GUCY1A2: variants seen among roughly 807,000 people sequenced by gnomAD.
GUCY1A2 encodes the protein guanylate cyclase 1 soluble subunit alpha 2, also known as guanylate cyclase soluble subunit alpha-2.
A neutral mutation model predicts 63.5 loss-of-function variants in GUCY1A2; 27 were observed. The ratio of observed to expected loss-of-function variants is 0.43; its 90% CI spans 0.31 to 0.59. The LOEUF is 0.59. GUCY1A2 is among the 20% of genes least tolerant of loss of function. The pLI is 0.11. For missense variants in GUCY1A2, 768 were observed against 913.3 expected (o/e 0.84, Z 2.05); for synonymous variants, 364 against 343.5 (o/e 1.06, Z -0.66).
rs1862313093 is a variant in GUCY1A2, at chr11:106,674,495, G to A, written c.*13054C>T. ...AGAAAAATATTTTAAAATATAATAT[G>A]AAATACCAAATGAAACTTTTTTAAA... On this transcript the variant is annotated 3_prime_UTR_variant, in exon 8 of 8. Transcript: ENST00000526355. 5.7e-6 allele frequency: 1 copy of A among 176,632 alleles called. No individual in the cohort carries two copies. Among genetic ancestry groups the A allele is most frequent in the Non-Finnish European group, 1.2e-5 (1 of 82,540 alleles). 10.9% of individuals were successfully genotyped at this position (176,632 alleles called of 1,614,324 possible).
intron 6 of GUCY1A2, among the ~76,000 whole-genome samples, chr11:106,771,704 A>T (rs1345593484): frequency 6.6e-6 from 1 of 151,990 alleles, no homozygotes; most frequent in Non-Finnish European, 1.5e-5. Flanking sequence ...GTAAGCTGTG[A>T]TGGTGACACT....
intron 3 of GUCY1A2, among the ~76,000 whole-genome samples, chr11:106,947,082 T>C (rs1039965956): frequency 2.0e-5 from 3 of 151,826 alleles, no homozygotes; most frequent in Non-Finnish European, 4.4e-5. Context: ...CTGGGCGCAG[T>C]GGCAGGTTCC....
intron 4 of GUCY1A2, among the ~76,000 whole-genome samples, chr11:106,870,198 T>C (rs151201474): frequency 0.011 from 1,725 of 152,070 alleles, 36 homozygotes; most frequent in African/African-American, 0.039. Flanking sequence ...GGCACATGTA[T>C]ACATACGTAA....
rs1862316209 is a variant in GUCY1A2 at position 106,674,695 on chromosome 11, T to C, written c.*12854A>G. 1.0e-5 allele frequency: 2 copies of C among 194,950 alleles called. No individual in the cohort carries two copies. The highest frequency in any genetic ancestry group is 4.6e-5 in the African/African-American group (2 of 43,170). The allele number at this position is 194,950 out of a possible 1,614,324, so 12.1% of individuals were successfully genotyped here. A position where few individuals can be genotyped will look rare whatever the true frequency, so the allele number is the denominator to read the frequency against. On this transcript the variant is annotated 3_prime_UTR_variant, in exon 8 of 8. Transcript: ENST00000526355. ...TTGATAACTCAATTTTTAAAAGATA[T>C]TATTCACAAAGTAAATCTAATAACA...
At chr11:106,943,418 G>A (rs1366215913) in intron 3 of GUCY1A2, among the ~76,000 whole-genome samples, 2 of 152,206 alleles carry the variant, frequency 1.3e-5, no homozygotes, top group Non-Finnish European at 2.9e-5. Flanking sequence ...TAATGGGTAA[G>A]TTAAGTTAGA....
chr11:106,995,577 T>G (rs1861524064), intron 1 of GUCY1A2, among the ~76,000 whole-genome samples: 1 of 152,210 alleles, frequency 6.6e-6, no homozygotes. Context: ...TTTCATAAAA[T>G]GGGAAAATTC....
chr11:106,988,021 T>G (rs567302520), intron 1 of GUCY1A2, among the ~76,000 whole-genome samples: 1 of 152,324 alleles, frequency 6.6e-6, no homozygotes, highest in Non-Finnish European at 1.5e-5. Flanking sequence ...GCAGCTGCTT[T>G]TCACTTATAC....
chr11:106,759,505 C>T (rs767541681), intron 6 of GUCY1A2, among the ~76,000 whole-genome samples: 1 of 152,130 alleles, frequency 6.6e-6, no homozygotes, highest in Non-Finnish European at 1.5e-5. Context: ...GTTCCTAATC[C>T]TCAGTATCTC....
chr11:107,003,397 C>T (rs183818073), intron 1 of GUCY1A2, among the ~76,000 whole-genome samples: 9 of 152,254 alleles, frequency 5.9e-5, no homozygotes, highest in Admixed American at 5.9e-4. Flanking sequence ...ACAAAAAAAT[C>T]CTGTCACCTA....
chr11:106,814,113 A>C (rs144804200), intron 4 of GUCY1A2, among the ~76,000 whole-genome samples: 13 of 152,120 alleles, frequency 8.5e-5, no homozygotes, highest in African/African-American at 3.1e-4. Context: ...ATGTGATGGC[A>C]AAACAACCTT....
chr11:106,743,819 G>A (rs1863738723), intron 6 of GUCY1A2, among the ~76,000 whole-genome samples: 1 of 152,176 alleles, frequency 6.6e-6, no homozygotes, highest in Non-Finnish European at 1.5e-5. Context: ...CTAGGGTAGT[G>A]TTTTATGTAT....
At chr11:106,807,763 C>T (rs539085854) in intron 5 of GUCY1A2, among the ~76,000 whole-genome samples, 3 of 152,288 alleles carry the variant, frequency 2.0e-5, no homozygotes, top group South Asian at 4.1e-4. Flanking sequence ...CAGCTGCCAG[C>T]GTGACTAGGA....
intron 4 of GUCY1A2, among the ~76,000 whole-genome samples, chr11:106,884,654 T>C (rs1859874143): frequency 6.6e-6 from 1 of 151,974 alleles, no homozygotes; most frequent in Non-Finnish European, 1.5e-5. Flanking sequence ...TTTCAAGAAG[T>C]AGAGAGTCTT....
At position 106,862,396 on chromosome 11, in the gene GUCY1A2, C is replaced by T. The variant is rs1229234247; in HGVS notation, c.1207-51918G>A. Among the ~76,000 whole-genome samples, 8 of 151,856 alleles carry T rather than the reference C, an allele frequency of 5.3e-5. No individual in the cohort carries two copies. The Admixed American group carries it at 5.3e-4, about 10-fold the overall frequency. ...GAGGTTAAATGGTAGCTGATATCAT[C>T]ATCATCATCATCATTTAACCATGCT... On this transcript the variant is annotated intron_variant, in intron 4 of 7. Coordinates refer to ENST00000526355, the MANE Select transcript of GUCY1A2 (RefSeq NM_000855.3).
chr11:106,866,993 A>G (rs1023031139), intron 4 of GUCY1A2, among the ~76,000 whole-genome samples: 3 of 152,000 alleles, frequency 2.0e-5, no homozygotes, highest in Admixed American at 6.6e-5. Flanking sequence ...CCCTAAGTAT[A>G]AATATTAACC....
At chr11:106,907,350 A>G (rs187273453) in intron 4 of GUCY1A2, among the ~76,000 whole-genome samples, 110 of 151,990 alleles carry the variant, frequency 7.2e-4, no homozygotes, top group African/African-American at 2.2e-3. Flanking sequence ...TAGGGTGACA[A>G]TTCATTTGTC....
chr11:107,016,864 GT>G (rs1861830814), intron 1 of GUCY1A2, among the ~76,000 whole-genome samples: 1 of 152,054 alleles, frequency 6.6e-6, no homozygotes, highest in Non-Finnish European at 1.5e-5. Context: ...TGAGGAGAGA[GT>G]AAAGGATGAG....
chr11:106,842,433 A>G (rs565763250), intron 4 of GUCY1A2, among the ~76,000 whole-genome samples: 1 of 151,986 alleles, frequency 6.6e-6, no homozygotes, highest in South Asian at 2.1e-4. Flanking sequence ...TTGTAGAATA[A>G]ACAGACCACT....
intron 4 of GUCY1A2, among the ~76,000 whole-genome samples, chr11:106,856,074 T>A (rs11211947): frequency 6.6e-6 from 1 of 151,196 alleles, no homozygotes; most frequent in African/African-American, 2.4e-5. Flanking sequence ...TACAGACATG[T>A]GCCACCACAC....
Sources: gnomAD v4.1 joint callset for allele counts (sites outside exome capture counted in the v4.1 genomes callset) on GRCh38, gnomAD v4.1.1 for gene constraint, MANE v1.5 for transcripts, NCBI Gene and HGNC (gene_info 2026-07-23, HGNC 2026-07-21) for gene names.